Variants in CNTN5 observed in about 807,000 individuals in gnomAD.
CNTN5 encodes the protein contactin 5.
Under a neutral mutation model 129.1 loss-of-function variants are expected in CNTN5, and 77 were observed. The ratio of observed to expected loss-of-function variants is 0.60; its 90% CI spans 0.50 to 0.72. The LOEUF (loss-of-function observed/expected upper bound fraction) is 0.72. Among genes scored for constraint, CNTN5 ranks in the 30% least tolerant of loss-of-function variants. CNTN5 has a pLI of 0.00. For synonymous variants in CNTN5, 509 were observed against 465.6 expected (o/e 1.09, Z -1.20); for missense variants, 1,478 against 1,328.8 (o/e 1.11, Z -1.75).
chr11:99,867,758 A>G (rs570405458), intron 6 of CNTN5, among the ~76,000 whole-genome samples: 35 of 152,308 alleles, frequency 2.3e-4, no homozygotes, highest in African/African-American at 7.7e-4. Context: ...ACTTAGTTAC[A>G]TATTCAATGT....
intron 2 of CNTN5, among the ~76,000 whole-genome samples, chr11:99,540,945 C>T (rs1255006699): frequency 2.0e-5 from 3 of 152,040 alleles, no homozygotes; most frequent in Non-Finnish European, 4.4e-5. Context: ...AGCCCAATGA[C>T]TGCCAGTAAT....
chr11:100,282,871 A>C (rs968443977), intron 18 of CNTN5, among the ~76,000 whole-genome samples: 2 of 147,856 alleles, frequency 1.4e-5, no homozygotes, highest in Admixed American at 1.3e-4. Flanking sequence ...CACTGCCACC[A>C]CAAGCCCACA....
intron 23 of CNTN5, among the ~76,000 whole-genome samples, chr11:100,346,703 A>T (rs1228238): frequency 0.73 from 110,959 of 151,964 alleles, 42,164 homozygotes; most frequent in East Asian, 0.97. Context: ...TCTACCTGTT[A>T]ACAGAGCTAG....
At chr11:99,534,999 A>T (rs1591236753) in intron 2 of CNTN5, among the ~76,000 whole-genome samples, 1 of 152,192 alleles carries the variant, frequency 6.6e-6, no homozygotes, top group Non-Finnish European at 1.5e-5. Flanking sequence ...TAGAAAGAGC[A>T]CTATGTGTTG....
intron 3 of CNTN5, among the ~76,000 whole-genome samples, chr11:99,727,472 C>T (rs1254749545): frequency 6.6e-6 from 1 of 151,852 alleles, no homozygotes; most frequent in East Asian, 1.9e-4. Flanking sequence ...CAAACCTTAT[C>T]ACTAAATATA....
intron 7 of CNTN5, among the ~76,000 whole-genome samples, chr11:99,924,085 C>T (rs546066997): frequency 2.6e-5 from 4 of 152,276 alleles, no homozygotes; most frequent in African/African-American, 9.6e-5. Flanking sequence ...CCGCCACACC[C>T]GGCATCTATT....
chr11:100,024,937 G>C (rs369569104), intron 9 of CNTN5, among the ~76,000 whole-genome samples: 10 of 152,190 alleles, frequency 6.6e-5, no homozygotes, highest in Non-Finnish European at 1.2e-4. Flanking sequence ...CTGACAATGC[G>C]ATAGAAAAGA....
intron 15 of CNTN5, among the ~76,000 whole-genome samples, chr11:100,218,481 T>C (rs775384013): frequency 2.6e-5 from 4 of 152,160 alleles, no homozygotes. Context: ...TCAATGTGGA[T>C]TGGAGTGGTG....
intron 3 of CNTN5, among the ~76,000 whole-genome samples, chr11:99,729,398 C>T (rs1943454641): frequency 6.6e-6 from 1 of 152,120 alleles, no homozygotes; most frequent in South Asian, 2.1e-4. Context: ...TTTCATCACC[C>T]ATGCATTAAG....
chr11:99,368,517 C>T (rs1293641126), intron 2 of CNTN5, among the ~76,000 whole-genome samples: 1 of 151,900 alleles, frequency 6.6e-6, no homozygotes, highest in Non-Finnish European at 1.5e-5. Flanking sequence ...GCTTTATCTT[C>T]AGTCCTAAAC....
intron 15 of CNTN5, among the ~76,000 whole-genome samples, chr11:100,223,088 T>C (rs898809634): frequency 6.6e-6 from 1 of 152,134 alleles, no homozygotes; most frequent in South Asian, 2.1e-4. Context: ...TGAATTCAGT[T>C]AGGATTTAAA....
intron 13 of CNTN5, among the ~76,000 whole-genome samples, chr11:100,111,280 A>G (rs1339922648): frequency 6.6e-6 from 1 of 152,128 alleles, no homozygotes; most frequent in East Asian, 1.9e-4. Flanking sequence ...GTTTCAGTTA[A>G]ATTCTCCAGT....
At chr11:99,217,317 T>G (rs1860179772) in intron 1 of CNTN5, among the ~76,000 whole-genome samples, 1 of 152,336 alleles carries the variant, frequency 6.6e-6, no homozygotes, top group Non-Finnish European at 1.5e-5. Flanking sequence ...TGGCCAACAG[T>G]TATATGTAAA....
At chr11:99,540,628 A>G (rs887082988) in intron 2 of CNTN5, among the ~76,000 whole-genome samples, 1 of 152,182 alleles carries the variant, frequency 6.6e-6, no homozygotes, top group Admixed American at 6.6e-5. Flanking sequence ...GAAATAGACT[A>G]CCAAGAGCTA....
At chr11:99,720,343 A>C (rs1397525089) in intron 3 of CNTN5, among the ~76,000 whole-genome samples, 1 of 152,164 alleles carries the variant, frequency 6.6e-6, no homozygotes, top group African/African-American at 2.4e-5. Flanking sequence ...TAGGATGCAA[A>C]GTTGGCTCAA....
intron 3 of CNTN5, among the ~76,000 whole-genome samples, chr11:99,569,312 T>C (rs1949104229): frequency 6.6e-6 from 1 of 151,802 alleles, no homozygotes; most frequent in African/African-American, 2.4e-5. Flanking sequence ...ATTATTTATT[T>C]ATTTATTTAT....
chr11:100,067,738 TTCAC>T (rs1289809402), intron 10 of CNTN5, among the ~76,000 whole-genome samples: 1 of 152,054 alleles, frequency 6.6e-6, no homozygotes, highest in Non-Finnish European at 1.5e-5. Context: ...TTAATGGCCT[TTCAC>T]CCACTAGAGT....
intron 1 of CNTN5, among the ~76,000 whole-genome samples, chr11:99,215,902 G>A (rs1008684846): frequency 2.0e-5 from 3 of 152,110 alleles, no homozygotes; most frequent in African/African-American, 7.2e-5. Context: ...AATCGTCAGT[G>A]CATAATGGTT....
chr11:99,071,623 A>G lies in CNTN5; in HGVS notation c.-210+50353A>G, dbSNP rs376676716. ...CATCAGAAAATTTTAAAGTCAATGT[A>G]TAAGCCATGTACTTCATATATATTT... On this transcript the variant is annotated intron_variant, in intron 1 of 24. Transcript: ENST00000524871. Among the ~76,000 whole-genome samples, 19 of 152,292 alleles carry G rather than the reference A, an allele frequency of 1.2e-4. No individual in the cohort carries two copies. In the East Asian group the frequency reaches 2.1e-3, roughly 17 times the overall value.
Sources: allele counts gnomAD v4.1 joint callset (sites outside exome capture counted in the v4.1 genomes callset), GRCh38; gene constraint gnomAD v4.1.1; transcripts MANE v1.5; gene names NCBI Gene and HGNC (gene_info 2026-07-23, HGNC 2026-07-21).